Variants in PLCZ1 observed in about 807,000 individuals in gnomAD.
The protein encoded by PLCZ1 is 1-phosphatidylinositol 4,5-bisphosphate phosphodiesterase zeta-1.
Under a neutral mutation model 76.8 loss-of-function variants are expected in PLCZ1, and 64 were observed. The ratio of observed to expected loss-of-function variants is 0.83; its 90% CI spans 0.68 to 1.03. The LOEUF (loss-of-function observed/expected upper bound fraction) is 1.03. PLCZ1 is among the 50% of genes least tolerant of loss of function. PLCZ1 has a pLI of 0.00. For missense variants in PLCZ1, 751 were observed against 713.7 expected, an observed-to-expected ratio of 1.05 and a Z score of -0.60; for synonymous variants, 248 against 230.8, an observed-to-expected ratio of 1.07 and a Z score of -0.68.
chr12:18,705,101 A>G (rs1289998787), intron 7 of PLCZ1, 65 bp downstream of exon 7: 3 of 1,576,390 alleles, frequency 1.9e-6, no homozygotes, highest in Non-Finnish European at 2.6e-6. Context: ...TCACAGGCCA[A>G]TATAACAGTG....
intron 12 of PLCZ1, among the ~76,000 whole-genome samples, chr12:18,694,344 A>G (rs914407776): frequency 4.6e-5 from 7 of 152,184 alleles, no homozygotes; most frequent in Non-Finnish European, 1.0e-4. Flanking sequence ...AGCTCTCCCA[A>G]CATGCAGAGG....
the PLCZ1 span, among the ~76,000 whole-genome samples, chr12:18,652,727 A>G: frequency 2.4e-4 from 36 of 152,288 alleles, no homozygotes; most frequent in South Asian, 5.6e-3. Flanking sequence ...ACAATGTTGC[A>G]AAGTTCCTTC....
chr12:18,672,806 G>A, the PLCZ1 span, among the ~76,000 whole-genome samples: 2 of 152,120 alleles, frequency 1.3e-5, no homozygotes, highest in Non-Finnish European at 2.9e-5. Flanking sequence ...CCTAACAGGA[G>A]CAAGAGGGCA....
chr12:18,693,540 T>C, intron 12 of PLCZ1: 1 of 1,610,766 alleles, frequency 6.2e-7, no homozygotes, highest in Non-Finnish European at 8.5e-7. Flanking sequence ...GGCTCTGAAC[T>C]TATTCAGAAG....
chr12:18,684,374 C>A, intron 13 of PLCZ1, 95 bp from the exon 14 acceptor site: 1 of 1,197,462 alleles, frequency 8.4e-7, no homozygotes, highest in East Asian at 2.4e-5. Flanking sequence ...CTTTTCAACC[C>A]TTTAACAATA....
chr12:18,679,845 G>C (rs1240354272), downstream of PLCZ1, among the ~76,000 whole-genome samples: 2 of 151,928 alleles, frequency 1.3e-5, no homozygotes, highest in Non-Finnish European at 2.9e-5. Flanking sequence ...TTTAACACCA[G>C]CTCCCAGGTG....
the PLCZ1 span, among the ~76,000 whole-genome samples, chr12:18,677,915 G>A: frequency 2.0e-5 from 3 of 152,032 alleles, no homozygotes; most frequent in African/African-American, 7.2e-5. Flanking sequence ...CCATATTCAT[G>A]TGTGCTTGTG....
Position 18,701,678 on chromosome 12 carries a change from T to C in PLCZ1, c.949+14A>G. The stretch of plus-strand genomic sequence containing the variant: ...CTCCATCTGCCACTTCTTCTTCCCA[T>C]TCCTCCACCTTACCACGCTTATCAG... On this transcript the variant is annotated intron_variant, in intron 8 of 14. Coordinates refer to ENST00000266505, the MANE Select transcript of PLCZ1 (RefSeq NM_033123.4). 6.3e-7 allele frequency: 1 copy of C among 1,582,524 alleles called. No homozygotes were observed. Among genetic ancestry groups the C allele is most frequent in the Non-Finnish European group, 8.6e-7 (1 of 1,158,942 alleles).
chr12:18,650,694 G>GTATATATATATATATATA, the PLCZ1 span, among the ~76,000 whole-genome samples: 1 of 38,864 alleles, frequency 2.6e-5, no homozygotes. Flanking sequence ...GTGTGTGTGT[G>GTATATATATATATATATA]TGTGTGTGTG....
chr12:18,673,035 T>C, the PLCZ1 span, among the ~76,000 whole-genome samples: 1 of 152,174 alleles, frequency 6.6e-6, no homozygotes, highest in Non-Finnish European at 1.5e-5. Context: ...TACAGAAGTG[T>C]TTGCCAAAGT....
At chr12:18,733,980 A>G (rs958590219) in intron 3 of PLCZ1, among the ~76,000 whole-genome samples, 2 of 152,148 alleles carry the variant, frequency 1.3e-5, no homozygotes, top group Middle Eastern at 6.8e-3. Flanking sequence ...GAATTTTAGG[A>G]TTGTTTCTTC....
At chr12:18,656,252 G>C in the PLCZ1 span, among the ~76,000 whole-genome samples, 1 of 152,028 alleles carries the variant, frequency 6.6e-6, no homozygotes, top group African/African-American at 2.4e-5. Flanking sequence ...AACATAGCAA[G>C]ACCCTGTCTA....
chr12:18,693,210 G>A (rs1954400038), intron 12 of PLCZ1: 3 of 1,572,552 alleles, frequency 1.9e-6, no homozygotes, highest in Non-Finnish European at 8.7e-7. Flanking sequence ...GGATCTTCTG[G>A]AACCTGGCTG....
chr12:18,691,475 C>T (rs544260216), intron 12 of PLCZ1, among the ~76,000 whole-genome samples: 3 of 152,002 alleles, frequency 2.0e-5, no homozygotes, highest in South Asian at 2.1e-4. Flanking sequence ...TAGTTTGAGA[C>T]AAGGTTTAAG....
intron 3 of PLCZ1, among the ~76,000 whole-genome samples, chr12:18,725,777 T>C (rs1189612656): frequency 6.6e-6 from 1 of 152,078 alleles, no homozygotes; most frequent in African/African-American, 2.4e-5. Flanking sequence ...CTCGTTGTTG[T>C]TTTTTGTTTG....
At chr12:18,720,693 G>A (rs1183210711) in intron 4 of PLCZ1, among the ~76,000 whole-genome samples, 1 of 152,002 alleles carries the variant, frequency 6.6e-6, no homozygotes, top group Non-Finnish European at 1.5e-5. Flanking sequence ...CTTGATTAGA[G>A]TGTGATCTTT....
In PLCZ1 at chr12:18,701,760, A is replaced by G; in HGVS notation, c.881T>C (p.Ile294Thr). Residue 294 changes from isoleucine to threonine, a missense_variant, in exon 8 of 15, where the codon ATA becomes ACA. Ile to Thr is a moderately conservative substitution (Grantham distance 89). Coordinates refer to ENST00000266505, the MANE Select transcript of PLCZ1 (RefSeq NM_033123.4). ...LPSPEALKFKILVKNKKIGTL... is the reference protein window; with the variant it reads ...LPSPEALKFKTLVKNKKIGTL... ...TCCTATTTTCTTATTTTTAACTAAT[A>G]TTTTGAATTTTAGTGCCTAAGGAAA... The G allele has an allele frequency of 6.2e-7, 1 of 1,603,600 alleles. No individual in the cohort carries two copies. The highest frequency in any genetic ancestry group is 8.5e-7 in the Non-Finnish European group (1 of 1,174,892).
In PLCZ1 at chr12:18,684,164, C is replaced by A; in HGVS notation, c.1707G>T (p.Gly569=). The change falls in exon 14 of 15, where the codon GGG becomes GGT. Residue 569 remains glycine, a synonymous_variant. Transcript: ENST00000266505. ...QGLIAGNEFL[G]QYTLPLLCMN... ...TGCATAGAAGTGGCAAAGTATATTG[C>A]CCAAGAAATTCATTTCCTGCTATTA... 1 of 1,611,966 alleles carries A rather than the reference C, an allele frequency of 6.2e-7. No individual in the cohort carries two copies. The highest frequency in any genetic ancestry group is 8.5e-7 in the Non-Finnish European group (1 of 1,178,808).
chr12:18,696,322 C>CTATGTATATATATATATATATATA (rs1954984402), intron 10 of PLCZ1, 56 bp from the exon 11 acceptor site: 1 of 253,072 alleles, frequency 4.0e-6, no homozygotes, highest in Non-Finnish European at 6.8e-6. Flanking sequence ...TAAAAAGCCA[C>CTATGTATATATATATATATATATA]TATATATATA....
Sources: allele counts gnomAD v4.1 joint callset (sites outside exome capture counted in the v4.1 genomes callset), GRCh38; gene constraint gnomAD v4.1.1; transcripts MANE v1.5; gene names NCBI Gene and HGNC (gene_info 2026-07-23, HGNC 2026-07-21).